The following POU2F3 variants were observed in gnomAD, a reference collection of about 807,000 sequenced individuals.
POU2F3 encodes the protein POU class 2 homeobox 3.
A neutral mutation model predicts 59.2 loss-of-function variants in POU2F3; 23 were observed. The observed-to-expected ratio is 0.39, with a 90% CI of 0.28 to 0.55. The LOEUF is 0.55. Ranked by LOEUF, POU2F3 falls within the 20% of genes least tolerant of loss-of-function variation. POU2F3 has a pLI of 0.66. For synonymous variants in POU2F3, 190 were observed against 214.6 expected (o/e 0.89, Z 1.00); for missense variants, 473 against 544.5 (o/e 0.87, Z 1.31).
intron 3 of POU2F3, among the ~76,000 whole-genome samples, chr11:120,271,545 G>A (rs991130688): frequency 1.3e-5 from 2 of 152,226 alleles, no homozygotes; most frequent in African/African-American, 2.4e-5. Flanking sequence ...CAAGATGCAC[G>A]GGGAGGAGCC....
chr11:120,260,329 A>T (rs369547695), intron 2 of POU2F3, among the ~76,000 whole-genome samples: 2 of 152,290 alleles, frequency 1.3e-5, no homozygotes, highest in East Asian at 3.9e-4. Flanking sequence ...TAGGGGCCCC[A>T]CGCCTAGCTC....
intron 6 of POU2F3, 59 bp from the exon 7 acceptor site, chr11:120,304,971 A>AAAAAAAAAAATTT: frequency 1.0e-6 from 1 of 991,260 alleles, no homozygotes; most frequent in Non-Finnish European, 1.4e-6. Context: ...AAAAAAAAAA[A>AAAAAAAAAAATTT]TCAGAAAATG....
chr11:120,276,084 C>T (rs1940305875), intron 3 of POU2F3, among the ~76,000 whole-genome samples: 1 of 152,130 alleles, frequency 6.6e-6, no homozygotes, highest in Non-Finnish European at 1.5e-5. Flanking sequence ...GCAGCAGTGC[C>T]AGGCCCTGGA....
intron 2 of POU2F3, among the ~76,000 whole-genome samples, chr11:120,249,605 G>A (rs1223361929): frequency 6.6e-6 from 1 of 152,158 alleles, no homozygotes; most frequent in Admixed American, 6.5e-5. Context: ...AAGCCCCCAG[G>A]TCTGTAACTG....
chr11:120,317,780 G>C (rs1565394299), intron 12 of POU2F3, among the ~76,000 whole-genome samples: 2 of 152,214 alleles, frequency 1.3e-5, no homozygotes, highest in South Asian at 4.1e-4. Context: ...AGGGGGAAGT[G>C]GTGCCAATTC....
At chr11:120,252,750 T>C (rs1305504768) in intron 2 of POU2F3, among the ~76,000 whole-genome samples, 1 of 152,106 alleles carries the variant, frequency 6.6e-6, no homozygotes, top group African/African-American at 2.4e-5. Flanking sequence ...ACAGATACTT[T>C]CTCATCCATA....
chr11:120,256,627 A>G (rs558637595), intron 2 of POU2F3: 1 of 152,366 alleles, frequency 6.6e-6, no homozygotes, highest in African/African-American at 2.4e-5. Context: ...CATCTGTCAC[A>G]TTAACCCACT....
At chr11:120,277,517 T>A (rs965769199) in intron 3 of POU2F3, among the ~76,000 whole-genome samples, 10 of 152,076 alleles carry the variant, frequency 6.6e-5, no homozygotes, top group African/African-American at 2.2e-4. Flanking sequence ...GCCTCACGCC[T>A]GTAATCCCAG....
chr11:120,258,102 C>T (rs1329735000), intron 2 of POU2F3, among the ~76,000 whole-genome samples: 3 of 152,232 alleles, frequency 2.0e-5, no homozygotes, highest in Admixed American at 6.5e-5. Context: ...ACTCCACACG[C>T]GCCCCTCTGA....
At chr11:120,301,216 C>G in intron 5 of POU2F3, 2 of 385,420 alleles carry the variant, frequency 5.2e-6, no homozygotes, top group Non-Finnish European at 1.0e-5. Flanking sequence ...CTCTGAGCTT[C>G]CATTTCCTCT....
intron 2 of POU2F3, among the ~76,000 whole-genome samples, chr11:120,264,604 C>T (rs556349564): frequency 6.6e-6 from 1 of 152,192 alleles, no homozygotes; most frequent in African/African-American, 2.4e-5. Flanking sequence ...GTCTGGAACC[C>T]AGCTCTGCAG....
chr11:120,264,063 A>G (rs921087003), intron 2 of POU2F3, among the ~76,000 whole-genome samples: 1 of 152,164 alleles, frequency 6.6e-6, no homozygotes, highest in African/African-American at 2.4e-5. Flanking sequence ...ACTCTAAAAA[A>G]CATGGTATGT....
At chr11:120,315,326 G>T in intron 10 of POU2F3, 35 bp from the exon 11 acceptor site, 1 of 1,578,734 alleles carries the variant, frequency 6.3e-7, no homozygotes, top group Non-Finnish European at 8.7e-7. Flanking sequence ...GAAGGGAGCA[G>T]AAATGGACAT....
At chr11:120,309,377 C>G in intron 9 of POU2F3, 48 bp from the exon 10 acceptor site, 1 of 1,535,364 alleles carries the variant, frequency 6.5e-7, no homozygotes, top group Non-Finnish European at 9.0e-7. Context: ...TGTTCCCTGC[C>G]CCTGATTCCC....
At chr11:120,298,460 T>C in intron 4 of POU2F3, 70 bp downstream of exon 4, 2 of 1,588,096 alleles carry the variant, frequency 1.3e-6, no homozygotes, top group Non-Finnish European at 8.6e-7. Context: ...TCGACTTCCA[T>C]GCTTGGTACT....
chr11:120,284,475 A>C (rs1183229640), intron 3 of POU2F3, among the ~76,000 whole-genome samples: 1 of 151,872 alleles, frequency 6.6e-6, no homozygotes, highest in African/African-American at 2.4e-5. Context: ...TGGGCCCGGG[A>C]GCTATTTACA....
chr11:120,315,377 C>T lies in POU2F3; in HGVS notation c.1085C>T (p.Ser362Phe). The T allele has an allele frequency of 6.2e-7, 1 of 1,613,588 alleles. No homozygotes were observed. The highest frequency in any genetic ancestry group is 8.5e-7 in the Non-Finnish European group (1 of 1,179,494). Reference protein sequence around the residue: ...YNSRLVSPSGSLGPLSVPPVH... With the variant: ...YNSRLVSPSGFLGPLSVPPVH... ...GTTTTTCAGGTATCTCCCTCAGGGTCTCTGGGCCCCCTCTCTGTCCCTCCT... is the reference window on the plus strand; with the variant it reads ...GTTTTTCAGGTATCTCCCTCAGGGTTTCTGGGCCCCCTCTCTGTCCCTCCT... The change falls in exon 11 of 13, where the codon TCT (serine) becomes TTT (phenylalanine). Residue 362 changes from serine to phenylalanine, a missense_variant. Ser to Phe is a radical substitution (Grantham distance 155). Transcript: ENST00000543440.
At chr11:120,236,649 G>A (rs868315403), upstream of POU2F3, 16 of 1,481,640 alleles carry the variant, frequency 1.1e-5, no homozygotes, top group Middle Eastern at 5.1e-4. Flanking sequence ...TCTCACTCCA[G>A]CCCAGAGCTC....
chr11:120,318,213 A>G (rs565799568), intron 12 of POU2F3, 140 bp from the exon 13 acceptor site: 1 of 739,538 alleles, frequency 1.4e-6, no homozygotes, highest in Non-Finnish European at 2.3e-6. Context: ...AGGTTGTGCA[A>G]CCATCAGCGT....
Sources: gnomAD v4.1 joint callset for allele counts (sites outside exome capture counted in the v4.1 genomes callset) on GRCh38, gnomAD v4.1.1 for gene constraint, MANE v1.5 for transcripts, NCBI Gene and HGNC (gene_info 2026-07-23, HGNC 2026-07-21) for gene names.